The following EXOC6B variants were observed in gnomAD, a reference collection of about 807,000 sequenced individuals.
EXOC6B encodes the protein SEC15 homolog B.
In EXOC6B, 54 loss-of-function variants were observed where a neutral mutation model predicts 113.5. The ratio of observed to expected loss-of-function variants is 0.48; its 90% CI spans 0.38 to 0.60. EXOC6B has a LOEUF of 0.60. Ranked by LOEUF, EXOC6B falls within the 20% of genes least tolerant of loss-of-function variation. The pLI is 0.00. For missense variants in EXOC6B, 797 were observed against 977.5 expected, an observed-to-expected ratio of 0.82 and a Z score of 2.46; for synonymous variants, 357 against 339.0, an observed-to-expected ratio of 1.05 and a Z score of -0.58.
chr2:72,487,404 A>G (rs561185599), intron 16 of EXOC6B, among the ~76,000 whole-genome samples: 1 of 152,224 alleles, frequency 6.6e-6, no homozygotes, highest in Non-Finnish European at 1.5e-5. Flanking sequence ...CTCTGCCACC[A>G]GGCTGCAGTG....
At chr2:72,776,077 CAT>C (rs1191489390) in intron 1 of EXOC6B, among the ~76,000 whole-genome samples, 1 of 152,082 alleles carries the variant, frequency 6.6e-6, no homozygotes, top group Non-Finnish European at 1.5e-5. Flanking sequence ...GCAATAAAAA[CAT>C]ATAGAGATAA....
Position 72,539,749 on chromosome 2 carries a change from TGC to T in EXOC6B, c.915+19702_915+19703del, listed in dbSNP as rs879611757. ...TGGGCTATGCGTGTGTGTGTGTGTG[TGC>T]GCGCGCGCGCGCGTGTGTGTAGTCT... On this transcript the variant is annotated intron_variant, in intron 8 of 21. Transcript: ENST00000272427. Among the ~76,000 whole-genome samples, 479 of 61,738 alleles carry T rather than the reference TGC, an allele frequency of 7.8e-3. 2 individuals are homozygous for T. The highest frequency in any genetic ancestry group is 0.022 in the East Asian group (26 of 1,172). The allele number at this position is 61,738 out of a possible 152,430, so 40.5% of individuals were successfully genotyped here. A position where few individuals can be genotyped will look rare whatever the true frequency, so the allele number is the denominator to read the frequency against.
intron 6 of EXOC6B, among the ~76,000 whole-genome samples, chr2:72,603,486 T>C (rs1670557611): frequency 6.6e-6 from 1 of 152,078 alleles, no homozygotes. Context: ...AGCCTACAAC[T>C]GCACATCAGC....
intron 19 of EXOC6B, among the ~76,000 whole-genome samples, chr2:72,365,120 T>G (rs973633867): frequency 6.6e-6 from 1 of 152,128 alleles, no homozygotes; most frequent in African/African-American, 2.4e-5. Context: ...TATATTATCA[T>G]GTCTAGGTGA....
intron 19 of EXOC6B, among the ~76,000 whole-genome samples, chr2:72,364,377 A>G (rs1690489078): frequency 1.3e-5 from 2 of 152,260 alleles, no homozygotes; most frequent in African/African-American, 4.8e-5. Flanking sequence ...GCTCTAAAAT[A>G]TATGAGGAAA....
In EXOC6B at chr2:72,176,699, A is replaced by G. The variant is rs1439688219; in HGVS notation, c.*2636T>C. The G allele has an allele frequency of 6.6e-6, 1 of 152,208 alleles. No homozygotes were observed. Among genetic ancestry groups the G allele is most frequent in the Non-Finnish European group, 1.5e-5 (1 of 68,034 alleles). 9.4% of individuals were successfully genotyped at this position (152,208 alleles called of 1,614,324 possible). A position where few individuals can be genotyped will look rare whatever the true frequency, so the allele number is the denominator to read the frequency against. On this transcript the variant is annotated 3_prime_UTR_variant, in exon 22 of 22. Coordinates refer to ENST00000272427, the MANE Select transcript of EXOC6B (RefSeq NM_015189.3). Reference sequence around the variant, plus strand: ...TGCAAGCAGCCTATATTACTACTGAAACCTAATAGAGTCCCAAACTGAACT... The same window carrying G: ...TGCAAGCAGCCTATATTACTACTGAGACCTAATAGAGTCCCAAACTGAACT...
In EXOC6B at chr2:72,334,999, AC is replaced by A; in HGVS notation, c.2143del (p.Val715CysfsTer16). 6.2e-7 allele frequency: 1 copy of A among 1,613,328 alleles called. No homozygotes were observed. The highest frequency in any genetic ancestry group is 2.2e-5 in the East Asian group (1 of 44,854). ...ECEQFARSGPVPGFQEDTLQL... is the reference protein window; with the variant it reads ...ECEQFARSGPXPGFQEDTLQL... ...CAGCGTGTCCTCCTGGAACCCAGGCACCGGGCCGGATCTGGCAAACTCTGTG... is the reference window on the plus strand; with the variant it reads ...CAGCGTGTCCTCCTGGAACCCAGGCACGGGCCGGATCTGGCAAACTCTGTG... On this transcript the variant is annotated frameshift_variant, in exon 20 of 22. Coordinates refer to ENST00000272427, the MANE Select transcript of EXOC6B (RefSeq NM_015189.3). LOFTEE classifies it high-confidence loss of function.
rs560761404 is a variant in EXOC6B at position 72,481,028 on chromosome 2, T to A, written c.1666-278A>T. ...AGACCAGGTGGAGGTAATTGAATCA[T>A]GGGGGCAGTTTCCCCCATGCTATTC... is the stretch of plus-strand genomic sequence containing the variant. On this transcript the variant is annotated intron_variant, in intron 16 of 21. Transcript: ENST00000272427. Among the ~76,000 whole-genome samples, 20 of 152,296 alleles carry A rather than the reference T, an allele frequency of 1.3e-4. No homozygotes were observed. The South Asian group carries it at 3.7e-3, about 28-fold the overall frequency.
In EXOC6B at chr2:72,393,977, CTT is replaced by C. The variant is rs969534170; in HGVS notation, c.1981-14109_1981-14108del. ...GTGGTTTAATAAAAACCAATATACA[CTT>C]TAAATGTGATGCTCTAGAACACTGA... is the stretch of plus-strand genomic sequence containing the variant. On this transcript the variant is annotated intron_variant, in intron 18 of 21. Coordinates refer to ENST00000272427, the MANE Select transcript of EXOC6B (RefSeq NM_015189.3). Among the ~76,000 whole-genome samples the C allele has an allele frequency of 7.9e-5, 12 of 152,250 alleles. No individual in the cohort carries two copies. In the South Asian group the frequency reaches 2.1e-3, roughly 26 times the overall value.
At chr2:72,372,256 A>G (rs558936020) in intron 19 of EXOC6B, among the ~76,000 whole-genome samples, 1 of 152,208 alleles carries the variant, frequency 6.6e-6, no homozygotes, top group African/African-American at 2.4e-5. Flanking sequence ...AAAGCAATCT[A>G]TAGGTTCAAT....
At chr2:72,389,446 T>G (rs970824032) in intron 18 of EXOC6B, among the ~76,000 whole-genome samples, 2 of 152,038 alleles carry the variant, frequency 1.3e-5, no homozygotes, top group African/African-American at 4.8e-5. Context: ...AAACAAAAAT[T>G]GAGTAAAAAC....
At chr2:72,562,954 A>C (rs1428970447) in intron 7 of EXOC6B, among the ~76,000 whole-genome samples, 1 of 152,136 alleles carries the variant, frequency 6.6e-6, no homozygotes, top group Non-Finnish European at 1.5e-5. Flanking sequence ...TAGTTTCATC[A>C]CCAAGGACAG....
chr2:72,490,521 T>C (rs1699678483), intron 16 of EXOC6B, among the ~76,000 whole-genome samples: 1 of 152,164 alleles, frequency 6.6e-6, no homozygotes, highest in South Asian at 2.1e-4. Context: ...ATTCAAAGTG[T>C]ATCTCGTTAG....
chr2:72,651,012 T>C (rs1674130912), intron 6 of EXOC6B, among the ~76,000 whole-genome samples: 1 of 152,084 alleles, frequency 6.6e-6, no homozygotes, highest in African/African-American at 2.4e-5. Context: ...GAACCCTAAG[T>C]TTACCAAGAG....
chr2:72,456,377 G>A (rs766737051), intron 18 of EXOC6B, among the ~76,000 whole-genome samples: 1 of 152,018 alleles, frequency 6.6e-6, no homozygotes, highest in East Asian at 1.9e-4. Flanking sequence ...TCAATGCCCA[G>A]GCAGGAATTC....
chr2:72,568,050 C>T (rs1057435485), intron 7 of EXOC6B, among the ~76,000 whole-genome samples: 3 of 151,830 alleles, frequency 2.0e-5, no homozygotes, highest in Non-Finnish European at 4.4e-5. Context: ...GGGACGGGTA[C>T]CTTTATGGTG....
chr2:72,468,152 A>G (rs1698172255), intron 17 of EXOC6B, among the ~76,000 whole-genome samples: 2 of 152,004 alleles, frequency 1.3e-5, no homozygotes, highest in Admixed American at 6.6e-5. Context: ...GATATAATCA[A>G]TCTGATTTGT....
At chr2:72,684,112 A>T (rs1676914079) in intron 6 of EXOC6B, among the ~76,000 whole-genome samples, 1 of 152,128 alleles carries the variant, frequency 6.6e-6, no homozygotes, top group Non-Finnish European at 1.5e-5. Context: ...TTGTATTTTC[A>T]GTACAGACGG....
chr2:72,373,840 T>C (rs72841795), intron 19 of EXOC6B, among the ~76,000 whole-genome samples: 30,489 of 152,140 alleles, frequency 0.2, 5,647 homozygotes, highest in African/African-American at 0.49. Flanking sequence ...ATAACCACTA[T>C]GGAGACGGTG....
Sources: gnomAD v4.1 joint callset for allele counts (sites outside exome capture counted in the v4.1 genomes callset) on GRCh38, gnomAD v4.1.1 for gene constraint, MANE v1.5 for transcripts, NCBI Gene and HGNC (gene_info 2026-07-23, HGNC 2026-07-21) for gene names.